The following DSCAM variants were observed in gnomAD, a reference collection of about 807,000 sequenced individuals.
DSCAM encodes the protein DS cell adhesion molecule, also known as cell adhesion molecule DSCAM.
DSCAM carries 47 observed loss-of-function variants against 217.7 expected under a neutral mutation model. That is an observed-to-expected ratio of 0.22 (90% CI 0.17 to 0.28). The LOEUF is 0.28. Among genes scored for constraint, DSCAM ranks in the 10% least tolerant of loss-of-function variants. The probability of loss-of-function intolerance (pLI) is 1.00; values close to 1 mark genes in which losing one functional copy is unlikely to be tolerated. For synonymous variants in DSCAM, 1,056 were observed against 1,015.3 expected (o/e 1.04, Z -0.76); for missense variants, 2,080 against 2,618.3 (o/e 0.79, Z 4.49).
At chr21:40,028,551 G>T (rs58019777) in intron 32 of DSCAM, among the ~76,000 whole-genome samples, 6,849 of 152,100 alleles carry the variant, frequency 0.045, 796 homozygotes, top group East Asian at 0.4. Context: ...TAATCTCGTG[G>T]TGCGCCATGT....
At chr21:40,364,643 C>T (rs930073027) in intron 4 of DSCAM, among the ~76,000 whole-genome samples, 6 of 149,014 alleles carry the variant, frequency 4.0e-5, no homozygotes, top group African/African-American at 5.0e-5. Flanking sequence ...CATACCTGTA[C>T]GTTATGCACG....
intron 1 of DSCAM, among the ~76,000 whole-genome samples, chr21:40,818,117 A>G (rs2091897795): frequency 1.3e-5 from 2 of 148,942 alleles, no homozygotes; most frequent in Non-Finnish European, 3.0e-5. Flanking sequence ...AAAAAAAAAA[A>G]AAAAAAAAAA....
At chr21:40,460,841 T>C (rs1459610528) in intron 3 of DSCAM, among the ~76,000 whole-genome samples, 2 of 152,204 alleles carry the variant, frequency 1.3e-5, no homozygotes, top group South Asian at 4.1e-4. Flanking sequence ...CACATTCTCA[T>C]AGTACTGATG....
chr21:40,195,230 C>T (rs2837487), intron 11 of DSCAM, among the ~76,000 whole-genome samples: 73,119 of 151,958 alleles, frequency 0.48, 18,356 homozygotes, highest in African/African-American at 0.62. Context: ...ATATTAAAGA[C>T]TGGTTCCAAA....
At chr21:40,137,594 TACACACACACACACACAC>T (rs3988428) in intron 18 of DSCAM, among the ~76,000 whole-genome samples, 3 of 134,930 alleles carry the variant, frequency 2.2e-5, no homozygotes, top group African/African-American at 8.9e-5. Flanking sequence ...GGCTGTTTAA[TACACACACACACACACAC>T]ACACACACAC....
intron 1 of DSCAM, among the ~76,000 whole-genome samples, chr21:40,796,905 C>T (rs947693235): frequency 1.3e-5 from 2 of 152,316 alleles, no homozygotes; most frequent in African/African-American, 4.8e-5. Context: ...AGAGTATCCA[C>T]TTATTTTCCT....
At chr21:40,185,733 T>G (rs1397180669) in intron 14 of DSCAM, among the ~76,000 whole-genome samples, 1 of 151,166 alleles carries the variant, frequency 6.6e-6, no homozygotes, top group Admixed American at 6.5e-5. Flanking sequence ...TACATGAACT[T>G]GTAAGAAAGG....
At chr21:40,271,058 C>G (rs1024070852) in intron 11 of DSCAM, among the ~76,000 whole-genome samples, 3 of 152,246 alleles carry the variant, frequency 2.0e-5, no homozygotes, top group African/African-American at 7.2e-5. Flanking sequence ...ACATGGAGAT[C>G]TGTCCAGAAA....
intron 3 of DSCAM, among the ~76,000 whole-genome samples, chr21:40,563,208 A>AT (rs146517760): frequency 0.038 from 5,743 of 151,594 alleles, 308 homozygotes; most frequent in African/African-American, 0.12. Context: ...GGACTCTCTC[A>AT]TTTTTTTTAC....
Position 40,084,018 on chromosome 21 carries a change from A to T in DSCAM, c.4133-12T>A. The stretch of plus-strand genomic sequence containing the variant: ...CTGATCTGGTGGAACTGGAGAGGAA[A>T]CAGTTTTTAGAAAACAAGAATTAGT... On this transcript the variant is annotated splice_polypyrimidine_tract_variant and intron_variant, in intron 23 of 32. Coordinates refer to ENST00000400454, the MANE Select transcript of DSCAM (RefSeq NM_001389.5). The T allele has an allele frequency of 6.2e-7, 1 of 1,601,236 alleles. No individual in the cohort carries two copies. The highest frequency in any genetic ancestry group is 8.5e-7 in the Non-Finnish European group (1 of 1,173,756).
At chr21:40,237,058 G>T (rs1454536111) in intron 11 of DSCAM, among the ~76,000 whole-genome samples, 1 of 152,150 alleles carries the variant, frequency 6.6e-6, no homozygotes, top group Non-Finnish European at 1.5e-5. Context: ...AACAAACACT[G>T]CAACAAAGCT....
chr21:40,322,910 G>A (rs1045300913), intron 8 of DSCAM, among the ~76,000 whole-genome samples: 4 of 152,212 alleles, frequency 2.6e-5, no homozygotes, highest in African/African-American at 9.6e-5. Flanking sequence ...ACGTAAGTGG[G>A]AGGAGTTGCA....
intron 3 of DSCAM, among the ~76,000 whole-genome samples, chr21:40,505,667 T>C (rs963845): frequency 0.063 from 9,600 of 152,262 alleles, 431 homozygotes; most frequent in African/African-American, 0.12. Context: ...GAACAGGCTG[T>C]TGCTAAGGTA....
intron 3 of DSCAM, among the ~76,000 whole-genome samples, chr21:40,381,074 A>AAAAAAAAAAAAAAC (rs1569095596): frequency 6.8e-6 from 1 of 147,038 alleles, no homozygotes; most frequent in African/African-American, 2.6e-5. Flanking sequence ...AAAAAAAAAA[A>AAAAAAAAAAAAAAC]AAAAAAAAAA....
chr21:40,158,684 C>A (rs1215112173), intron 16 of DSCAM, among the ~76,000 whole-genome samples: 3 of 152,162 alleles, frequency 2.0e-5, no homozygotes, highest in Non-Finnish European at 4.4e-5. Flanking sequence ...CACCTAAATT[C>A]TTCTGTTATT....
At chr21:40,740,734 A>T (rs2091115837) in intron 1 of DSCAM, among the ~76,000 whole-genome samples, 1 of 151,220 alleles carries the variant, frequency 6.6e-6, no homozygotes, top group South Asian at 2.1e-4. Flanking sequence ...TGAGAGGAGG[A>T]CTCAGAAGGA....
At chr21:40,021,123 C>CAGAGAGATGG (rs1035524203) in intron 32 of DSCAM, among the ~76,000 whole-genome samples, 3 of 134,652 alleles carry the variant, frequency 2.2e-5, no homozygotes, top group African/African-American at 8.5e-5. Flanking sequence ...AGAGAGGGAT[C>CAGAGAGATGG]AGAGAGATGG....
intron 3 of DSCAM, among the ~76,000 whole-genome samples, chr21:40,533,860 T>C (rs1407483420): frequency 2.0e-5 from 3 of 152,220 alleles, no homozygotes; most frequent in South Asian, 2.1e-4. Context: ...GATTGGAACA[T>C]GTCATCACTC....
chr21:40,110,050 G>C (rs2035216211), intron 20 of DSCAM, among the ~76,000 whole-genome samples: 1 of 152,210 alleles, frequency 6.6e-6, no homozygotes, highest in African/African-American at 2.4e-5. Flanking sequence ...GTCACTGTCT[G>C]ACAGCTTTGA....
Sources: gnomAD v4.1 joint callset for allele counts (sites outside exome capture counted in the v4.1 genomes callset) on GRCh38, gnomAD v4.1.1 for gene constraint, MANE v1.5 for transcripts, NCBI Gene and HGNC (gene_info 2026-07-23, HGNC 2026-07-21) for gene names.